The following GNA12 variants were observed in gnomAD, a reference collection of about 807,000 sequenced individuals.
GNA12 encodes the protein guanine nucleotide-binding protein subunit alpha-12.
GNA12 carries 9 observed loss-of-function variants against 26.0 expected under a neutral mutation model. The observed-to-expected ratio is 0.35, with a 90% CI of 0.21 to 0.60. The LOEUF (loss-of-function observed/expected upper bound fraction) is 0.60. Ranked by LOEUF, GNA12 falls within the 20% of genes least tolerant of loss-of-function variation. The pLI is 0.78. For synonymous variants in GNA12, 264 were observed against 219.6 expected, an observed-to-expected ratio of 1.20 and a Z score of -1.79; for missense variants, 405 against 525.8, an observed-to-expected ratio of 0.77 and a Z score of 2.25.
At chr7:2,741,685 C>G (rs561174065) in intron 2 of GNA12, among the ~76,000 whole-genome samples, 14 of 152,118 alleles carry the variant, frequency 9.2e-5, no homozygotes, top group African/African-American at 3.1e-4. Context: ...TTCGCTCGCT[C>G]TCTTTCAATA....
intron 1 of GNA12, among the ~76,000 whole-genome samples, chr7:2,802,098 C>T (rs1792822802): frequency 6.6e-6 from 1 of 152,008 alleles, no homozygotes; most frequent in Non-Finnish European, 1.5e-5. Flanking sequence ...AACTCACATA[C>T]ACTTAAAATA....
intron 1 of GNA12, chr7:2,814,522 T>C (rs1793168452): frequency 1.5e-6 from 1 of 688,546 alleles, no homozygotes; most frequent in Non-Finnish European, 2.6e-6. Flanking sequence ...TGAGGAAATT[T>C]CTTCTGCACC....
chr7:2,736,783 GCAGGCACTGCAGCAGCCT>G (rs1790203099), intron 2 of GNA12, among the ~76,000 whole-genome samples: 1 of 152,214 alleles, frequency 6.6e-6, no homozygotes, highest in Admixed American at 6.5e-5. Context: ...GCACCGTCAG[GCAGGCACTGCAGCAGCCT>G]CGCCCGTCAC....
At chr7:2,840,698 A>G (rs184716652) in intron 1 of GNA12, among the ~76,000 whole-genome samples, 1 of 152,064 alleles carries the variant, frequency 6.6e-6, no homozygotes, top group East Asian at 1.9e-4. Flanking sequence ...ATCTCTACAA[A>G]AATGAGCTGG....
At chr7:2,735,745 G>A (rs62441391) in intron 2 of GNA12, among the ~76,000 whole-genome samples, 1 of 152,172 alleles carries the variant, frequency 6.6e-6, no homozygotes, top group Non-Finnish European at 1.5e-5. Context: ...CGGTCATCTT[G>A]CATGAGTGGC....
At chr7:2,793,190 A>T (rs549145541) in intron 2 of GNA12, among the ~76,000 whole-genome samples, 25 of 152,362 alleles carry the variant, frequency 1.6e-4, no homozygotes, top group Non-Finnish European at 3.2e-4. Context: ...AGGCAAGGAA[A>T]GATCAAGGAG....
chr7:2,820,776 C>T (rs1269795377), intron 1 of GNA12, among the ~76,000 whole-genome samples: 1 of 152,222 alleles, frequency 6.6e-6, no homozygotes, highest in Non-Finnish European at 1.5e-5. Flanking sequence ...CTCACTCTGT[C>T]ACCCAGGCTG....
At chr7:2,792,142 C>T (rs766040802) in intron 2 of GNA12, among the ~76,000 whole-genome samples, 3 of 152,238 alleles carry the variant, frequency 2.0e-5, no homozygotes, top group Non-Finnish European at 2.9e-5. Flanking sequence ...AGCTCACTCG[C>T]TGGAGACAGG....
intron 2 of GNA12, among the ~76,000 whole-genome samples, chr7:2,742,324 G>C (rs11770070): frequency 0.17 from 25,186 of 152,100 alleles, 2,165 homozygotes; most frequent in Non-Finnish European, 0.2. Flanking sequence ...CCTACACTGA[G>C]ATTTTTGAAG....
intron 2 of GNA12, among the ~76,000 whole-genome samples, chr7:2,751,028 A>G (rs1791008675): frequency 6.6e-6 from 1 of 152,204 alleles, no homozygotes; most frequent in Admixed American, 6.5e-5. Flanking sequence ...CAATGTTAAA[A>G]TATCAACACT....
At chr7:2,797,887 G>C (rs897858925) in intron 1 of GNA12, among the ~76,000 whole-genome samples, 1 of 152,056 alleles carries the variant, frequency 6.6e-6, no homozygotes, top group Non-Finnish European at 1.5e-5. Context: ...CTGACCCCCA[G>C]AAACTCAGAG....
chr7:2,731,390 G>T lies in GNA12; in HGVS notation c.937C>A (p.His313Asn). ...EKVKTVSIKK[H>N]FPDFRGDPHR... is the part of the protein sequence containing the mutation. ...GGGTCGCCCCTGAAGTCCGGGAAGTGCTTCTTGATGCTCACGGTCTTCACC... is the reference window on the plus strand; with the variant it reads ...GGGTCGCCCCTGAAGTCCGGGAAGTTCTTCTTGATGCTCACGGTCTTCACC... Residue 313 changes from histidine to asparagine, a missense_variant, in exon 4 of 4, where the codon CAC becomes AAC. By Grantham distance (68) the His-to-Asn change is moderately conservative. Coordinates refer to ENST00000275364, the MANE Select transcript of GNA12 (RefSeq NM_007353.3). The surrounding 1 kb of genome is among the most constrained non-coding windows in gnomAD (Gnocchi z 6.0). The T allele has an allele frequency of 6.2e-7, 1 of 1,613,392 alleles. No homozygotes were observed. The highest frequency in any genetic ancestry group is 8.5e-7 in the Non-Finnish European group (1 of 1,179,452).
At chr7:2,758,435 G>C (rs1316829632) in intron 2 of GNA12, among the ~76,000 whole-genome samples, 1 of 152,192 alleles carries the variant, frequency 6.6e-6, no homozygotes, top group Non-Finnish European at 1.5e-5. Context: ...CATGTGTTCT[G>C]TGCTGTCAGG....
chr7:2,841,064 G>C (rs1778975839), intron 1 of GNA12, among the ~76,000 whole-genome samples: 1 of 152,210 alleles, frequency 6.6e-6, no homozygotes, highest in Non-Finnish European at 1.5e-5. Flanking sequence ...AGAAGAACTA[G>C]GATACCAGTT....
intron 2 of GNA12, among the ~76,000 whole-genome samples, chr7:2,777,915 C>T (rs548128774): frequency 6.6e-6 from 1 of 152,274 alleles, no homozygotes; most frequent in African/African-American, 2.4e-5. Context: ...TTAAAAAGAT[C>T]AACTAAAACT....
chr7:2,798,655 A>C (rs950763805), intron 1 of GNA12, among the ~76,000 whole-genome samples: 1 of 152,252 alleles, frequency 6.6e-6, no homozygotes. Context: ...TATAAATATG[A>C]TTATTTGAAA....
intron 2 of GNA12, among the ~76,000 whole-genome samples, chr7:2,773,740 T>C (rs940890154): frequency 1.3e-5 from 2 of 152,152 alleles, no homozygotes; most frequent in African/African-American, 2.4e-5. Context: ...CAGGCACACC[T>C]GGATGCCCCA....
chr7:2,737,520 C>T (rs554809314), intron 2 of GNA12, among the ~76,000 whole-genome samples: 2 of 152,066 alleles, frequency 1.3e-5, no homozygotes, highest in Admixed American at 6.6e-5. Context: ...AACTCCTGAC[C>T]TCAGGTAATC....
chr7:2,819,637 A>G (rs1289192723), intron 1 of GNA12, among the ~76,000 whole-genome samples: 1 of 152,254 alleles, frequency 6.6e-6, no homozygotes, highest in Non-Finnish European at 1.5e-5. Context: ...ATATCTCCAA[A>G]GAAGATACGC....
Sources: gnomAD v4.1 joint callset for allele counts (sites outside exome capture counted in the v4.1 genomes callset) on GRCh38, gnomAD v4.1.1 for gene constraint, Gnocchi (gnomAD v3.1) non-coding constraint, MANE v1.5 for transcripts, NCBI Gene and HGNC (gene_info 2026-07-23, HGNC 2026-07-21) for gene names.